Variants in DNAH3 observed in about 807,000 individuals in gnomAD.
DNAH3 encodes the protein axonemal beta dynein heavy chain 3.
In DNAH3, 332 loss-of-function variants were observed where a neutral mutation model predicts 432.5. The ratio of observed to expected loss-of-function variants is 0.77; its 90% CI spans 0.70 to 0.84. DNAH3 has a LOEUF of 0.84. Ranked by LOEUF, DNAH3 falls within the 40% of genes least tolerant of loss-of-function variation. The pLI, the probability that DNAH3 is intolerant of heterozygous loss-of-function variation, is 0.00. For synonymous variants in DNAH3, 1,956 were observed against 1,900.2 expected, an observed-to-expected ratio of 1.03 and a Z score of -0.76; for missense variants, 4,861 against 5,114.0, an observed-to-expected ratio of 0.95 and a Z score of 1.51.
At chr16:20,939,858 G>A (rs1371119626) in intron 59 of DNAH3, among the ~76,000 whole-genome samples, 2 of 152,182 alleles carry the variant, frequency 1.3e-5, no homozygotes, top group Non-Finnish European at 1.5e-5. Context: ...TCAAATCACA[G>A]TCATCTCTGG....
exon 62 of DNAH3, chr16:20,933,373 G>T (rs765137207): frequency 6.2e-7 from 1 of 1,614,190 alleles, no homozygotes; most frequent in Admixed American, 1.7e-5. Context: ...TGGGCAGTGG[G>T]TCATAGAGGA....
chr16:20,990,818 G>A (rs768705105), intron 44 of DNAH3, among the ~76,000 whole-genome samples: 6 of 151,968 alleles, frequency 3.9e-5, no homozygotes, highest in Non-Finnish European at 8.8e-5. Flanking sequence ...TCAAGAGATC[G>A]AGACCAGCCT....
intron 18 of DNAH3, among the ~76,000 whole-genome samples, chr16:21,094,102 T>C (rs1455612737): frequency 2.0e-5 from 3 of 152,012 alleles, no homozygotes; most frequent in African/African-American, 7.2e-5. Context: ...TGAAAGACAC[T>C]ATAAAGAGAA....
exon 19 of DNAH3, chr16:21,086,999 T>C (rs1472070313): frequency 1.9e-6 from 3 of 1,614,226 alleles, no homozygotes; most frequent in South Asian, 1.1e-5. Context: ...GTTTATACGT[T>C]GTCCTCCACA....
rs73536187 is a variant in DNAH3, at chr16:20,997,007, G to A, written c.6601+276C>T. 1.1e-3 allele frequency: 363 copies of A among 339,160 alleles called. 3 individuals are homozygous for A. Among genetic ancestry groups the A allele is most frequent in the African/African-American group, 6.4e-3 (310 of 48,786 alleles). The allele number at this position is 339,160 out of a possible 1,614,324, so 21.0% of individuals were successfully genotyped here. A position where few individuals can be genotyped will look rare whatever the true frequency, so the allele number is the denominator to read the frequency against. On this transcript the variant is annotated intron_variant, in intron 44 of 61. Transcript: ENST00000261383. The stretch of plus-strand genomic sequence containing the variant: ...GGCTTCTGGATGGAGCCTCCCTCCC[G>A]GAACACATGCTGGCCACACTGAACT...
At chr16:21,012,067 T>C (rs2087628728) in intron 41 of DNAH3, among the ~76,000 whole-genome samples, 1 of 152,168 alleles carries the variant, frequency 6.6e-6, no homozygotes, top group African/African-American at 2.4e-5. Context: ...TGGCCTGTAC[T>C]TTCCCATCCT....
intron 27 of DNAH3, among the ~76,000 whole-genome samples, chr16:21,056,928 T>C (rs2090156385): frequency 6.6e-6 from 1 of 152,224 alleles, no homozygotes; most frequent in African/African-American, 2.4e-5. Flanking sequence ...GATTTATCAA[T>C]ATGGAATCTG....
chr16:20,933,606 T>C, intron 61 of DNAH3, 99 bp from the exon 62 acceptor site: 1 of 916,124 alleles, frequency 1.1e-6, no homozygotes, highest in South Asian at 1.7e-5. Flanking sequence ...TGCAACCTGG[T>C]TGCAATATCT....
chr16:20,938,976 G>A (rs747959977), intron 59 of DNAH3, among the ~76,000 whole-genome samples: 4 of 152,076 alleles, frequency 2.6e-5, no homozygotes, highest in Non-Finnish European at 5.9e-5. Flanking sequence ...TGTTGCCCAA[G>A]CTGATCTCCA....
At chr16:21,065,656 G>A (rs1473118328) in intron 24 of DNAH3, among the ~76,000 whole-genome samples, 1 of 152,104 alleles carries the variant, frequency 6.6e-6, no homozygotes, top group African/African-American at 2.4e-5. Context: ...TATTAACTAA[G>A]TTAAAAATTG....
At chr16:21,060,520 T>C (rs964538825) in intron 25 of DNAH3, among the ~76,000 whole-genome samples, 164 bp from the exon 26 acceptor site, 27 of 120,438 alleles carry the variant, frequency 2.2e-4, no homozygotes, top group South Asian at 8.3e-4. Flanking sequence ...TTTTCTTTTT[T>C]TTTTTCTTTT....
chr16:21,097,615 T>C, intron 17 of DNAH3, 116 bp from the exon 18 acceptor site: 2 of 1,266,244 alleles, frequency 1.6e-6, no homozygotes, highest in Non-Finnish European at 2.2e-6. Context: ...TGCTTATTCA[T>C]CTGGAGAGTA....
Position 21,031,136 on chromosome 16 carries a change from A to G in DNAH3, c.5348T>C (p.Leu1783Pro), listed in dbSNP as rs1400760077. Reference sequence around the variant, plus strand: ...TATAATCCACTTGCGATCATCAGAGAGTGAAGACGCTTGCTCCCGGAAAGC... The same window carrying G: ...TATAATCCACTTGCGATCATCAGAGGGTGAAGACGCTTGCTCCCGGAAAGC... Residue 1783 changes from leucine to proline, a missense_variant, in exon 37 of 62, where the codon CTC (leucine) becomes CCC (proline). By Grantham distance (98) the Leu-to-Pro change is moderately conservative. Transcript: ENST00000261383. 4 of 1,614,158 alleles carry G rather than the reference A, an allele frequency of 2.5e-6. No homozygotes were observed. The East Asian group carries it at 6.7e-5, about 27-fold the overall frequency.
chr16:20,974,896 G>A (rs2085511651), intron 51 of DNAH3, among the ~76,000 whole-genome samples: 1 of 151,194 alleles, frequency 6.6e-6, no homozygotes, highest in Non-Finnish European at 1.5e-5. Context: ...TCAGCTCACT[G>A]CGACCTCTGC....
chr16:21,022,215 G>A (rs1449374251), intron 39 of DNAH3, 115 bp from the exon 40 acceptor site: 5 of 1,118,108 alleles, frequency 4.5e-6, no homozygotes, highest in Admixed American at 2.1e-5. Context: ...TGATTTAAAT[G>A]TAGGTGCATT....
rs777098816 is a variant in DNAH3 at position 21,087,062 on chromosome 16, TGAAATAGAAGA to T, written c.2666-13_2666-3del. 2.5e-6 allele frequency: 4 copies of T among 1,612,424 alleles called. No individual in the cohort carries two copies. The highest frequency in any genetic ancestry group is 3.4e-6 in the Non-Finnish European group (4 of 1,178,774). The stretch of plus-strand genomic sequence containing the variant: ...CAGCATTCAGTAAGAAGAGGGGTCC[TGAAATAGAAGA>T]GTGAGGGAAAGGTCAGACCATCATG... On this transcript the variant is annotated splice_polypyrimidine_tract_variant and splice_region_variant and intron_variant, in intron 18 of 61. Transcript: ENST00000261383.
intron 11 of DNAH3, among the ~76,000 whole-genome samples, chr16:21,119,898 C>T (rs140312726): frequency 3.3e-5 from 5 of 149,892 alleles, no homozygotes; most frequent in Non-Finnish European, 3.0e-5. Context: ...CCATGTTGGC[C>T]AGGCTGGTAT....
chr16:20,957,794 C>A (rs2084630950), intron 54 of DNAH3, among the ~76,000 whole-genome samples: 1 of 81,068 alleles, frequency 1.2e-5, no homozygotes, highest in Non-Finnish European at 2.5e-5. Flanking sequence ...GCAATAAGAG[C>A]GAAACTCCAT....
chr16:21,048,091 G>A (rs1207595238), intron 31 of DNAH3, among the ~76,000 whole-genome samples: 1 of 152,236 alleles, frequency 6.6e-6, no homozygotes, highest in African/African-American at 2.4e-5. Flanking sequence ...CTGTCAGACA[G>A]GGACATTTAA....
Sources: allele counts gnomAD v4.1 joint callset (sites outside exome capture counted in the v4.1 genomes callset), GRCh38; gene constraint gnomAD v4.1.1; transcripts MANE v1.5; gene names NCBI Gene and HGNC (gene_info 2026-07-23, HGNC 2026-07-21).